The following TRABD2B variants were observed in gnomAD, a reference collection of about 807,000 sequenced individuals.
TRABD2B encodes metalloprotease TIKI2.
Under a neutral mutation model 40.1 loss-of-function variants are expected in TRABD2B, and 14 were observed. That is an observed-to-expected ratio of 0.35 (90% CI 0.23 to 0.55). The LOEUF (loss-of-function observed/expected upper bound fraction) is 0.55. Ranked by LOEUF, TRABD2B falls within the 20% of genes least tolerant of loss-of-function variation. The pLI, the probability that TRABD2B is intolerant of heterozygous loss-of-function variation, is 0.90. For missense variants in TRABD2B, 541 were observed against 648.6 expected, an observed-to-expected ratio of 0.83 and a Z score of 1.80; for synonymous variants, 263 against 277.0, an observed-to-expected ratio of 0.95 and a Z score of 0.50.
At chr1:47,802,666 C>T (rs1459013201) in intron 2 of TRABD2B, among the ~76,000 whole-genome samples, 1 of 152,198 alleles carries the variant, frequency 6.6e-6, no homozygotes, top group African/African-American at 2.4e-5. Flanking sequence ...TCTGTCTGCA[C>T]AATGCCTTGG....
intron 2 of TRABD2B, among the ~76,000 whole-genome samples, chr1:47,935,915 T>C (rs10789521): frequency 0.47 from 71,098 of 152,220 alleles, 18,179 homozygotes; most frequent in Middle Eastern, 0.62. Context: ...CATGCTCAAA[T>C]TCCAATTTTG....
intron 2 of TRABD2B, among the ~76,000 whole-genome samples, chr1:47,874,802 T>G (rs935897119): frequency 2.0e-4 from 31 of 151,484 alleles, no homozygotes; most frequent in Non-Finnish European, 2.8e-4. Flanking sequence ...CGGATTGGTC[T>G]CCAATTCCTG....
intron 4 of TRABD2B, among the ~76,000 whole-genome samples, chr1:47,784,093 C>T (rs1270469990): frequency 1.3e-5 from 2 of 152,154 alleles, no homozygotes; most frequent in African/African-American, 4.8e-5. Context: ...TTCATTTCAT[C>T]CTTGCAGCGG....
chr1:47,923,771 C>T (rs1644933010), intron 2 of TRABD2B, among the ~76,000 whole-genome samples: 1 of 152,154 alleles, frequency 6.6e-6, no homozygotes, highest in Admixed American at 6.5e-5. Flanking sequence ...AGAGGGAATT[C>T]TGCCAGCAGA....
At chr1:47,774,938 CT>C (rs1417335273) in intron 6 of TRABD2B, among the ~76,000 whole-genome samples, 1 of 152,266 alleles carries the variant, frequency 6.6e-6, no homozygotes, top group Non-Finnish European at 1.5e-5. Flanking sequence ...CTGAAGAAAG[CT>C]TCTATTTCCT....
intron 2 of TRABD2B, among the ~76,000 whole-genome samples, chr1:47,876,765 A>G (rs1207470741): frequency 6.6e-6 from 1 of 152,230 alleles, no homozygotes; most frequent in Non-Finnish European, 1.5e-5. Context: ...AGCAGCAGGC[A>G]GCACTCCTTC....
chr1:47,900,049 C>G (rs1027797296), intron 2 of TRABD2B, among the ~76,000 whole-genome samples: 1 of 152,168 alleles, frequency 6.6e-6, no homozygotes, highest in Non-Finnish European at 1.5e-5. Context: ...TTGACTTCTC[C>G]CTCTGCTCCA....
chr1:47,949,867 C>A (rs1292701531), intron 2 of TRABD2B, among the ~76,000 whole-genome samples: 1 of 152,176 alleles, frequency 6.6e-6, no homozygotes, highest in Non-Finnish European at 1.5e-5. Context: ...AAAAAATAAA[C>A]ATATTTACCA....
chr1:47,805,695 T>C (rs1168548117), intron 2 of TRABD2B, among the ~76,000 whole-genome samples: 1 of 152,186 alleles, frequency 6.6e-6, no homozygotes, highest in African/African-American at 2.4e-5. Context: ...CTTCATCCAT[T>C]CATTACCAGG....
rs191835495 is a variant in TRABD2B, at chr1:47,918,775, A to G, written c.666+75259T>C. Among the ~76,000 whole-genome samples, 14 of 152,324 alleles carry G rather than the reference A, an allele frequency of 9.2e-5. No individual in the cohort carries two copies. In the East Asian group the frequency reaches 2.5e-3, roughly 27 times the overall value. Reference sequence around the variant, plus strand: ...CCATGCAGACTGGGGAAAATCAGCGACCAAGGTCCAGAGTCAGGGCTAGAG... The same window carrying G: ...CCATGCAGACTGGGGAAAATCAGCGGCCAAGGTCCAGAGTCAGGGCTAGAG... On this transcript the variant is annotated intron_variant, in intron 2 of 6. Coordinates refer to ENST00000606738, the MANE Select transcript of TRABD2B (RefSeq NM_001194986.2).
intron 2 of TRABD2B, among the ~76,000 whole-genome samples, chr1:47,928,171 G>A (rs1471253399): frequency 6.6e-6 from 1 of 152,160 alleles, no homozygotes; most frequent in Non-Finnish European, 1.5e-5. Context: ...GTCACTTACA[G>A]GAAGCCACAC....
chr1:47,859,483 G>A (rs1159541391), intron 2 of TRABD2B, among the ~76,000 whole-genome samples: 3 of 152,310 alleles, frequency 2.0e-5, no homozygotes, highest in African/African-American at 7.2e-5. Flanking sequence ...GTCTCATGTA[G>A]CCCCTGGGCA....
At chr1:47,882,244 C>A (rs1447159464) in intron 2 of TRABD2B, among the ~76,000 whole-genome samples, 1 of 152,222 alleles carries the variant, frequency 6.6e-6, no homozygotes, top group African/African-American at 2.4e-5. Context: ...GCTCCCCATG[C>A]TGCCGTTGCA....
At chr1:47,844,718 C>A (rs1003832269) in intron 2 of TRABD2B, among the ~76,000 whole-genome samples, 1 of 152,162 alleles carries the variant, frequency 6.6e-6, no homozygotes, top group South Asian at 2.1e-4. Flanking sequence ...GTTGGGCCTA[C>A]GAGGATAAGA....
intron 2 of TRABD2B, among the ~76,000 whole-genome samples, chr1:47,903,891 A>T (rs1436071165): frequency 6.6e-6 from 1 of 152,142 alleles, no homozygotes; most frequent in Non-Finnish European, 1.5e-5. Flanking sequence ...AGGCTACAGG[A>T]TCTGCCTGCC....
At chr1:47,894,112 T>C (rs1237016637) in intron 2 of TRABD2B, among the ~76,000 whole-genome samples, 1 of 152,188 alleles carries the variant, frequency 6.6e-6, no homozygotes, top group Non-Finnish European at 1.5e-5. Flanking sequence ...GGAGGCACTG[T>C]TCTGTATGCT....
At chr1:47,828,584 A>C (rs1645208300) in intron 2 of TRABD2B, among the ~76,000 whole-genome samples, 1 of 152,308 alleles carries the variant, frequency 6.6e-6, no homozygotes, top group South Asian at 2.1e-4. Context: ...TTGTGGCCAG[A>C]GCATGCCGAG....
chr1:47,908,785 C>T (rs1255545167), intron 2 of TRABD2B, among the ~76,000 whole-genome samples: 2 of 152,258 alleles, frequency 1.3e-5, no homozygotes, highest in Non-Finnish European at 1.5e-5. Context: ...CTCCTCATAC[C>T]ATGTACAGAG....
chr1:47,943,275 G>T (rs1557671011), intron 2 of TRABD2B, among the ~76,000 whole-genome samples: 1 of 152,220 alleles, frequency 6.6e-6, no homozygotes, highest in Non-Finnish European at 1.5e-5. Flanking sequence ...GTGTGTGAAA[G>T]ATGCCAATGT....
Sources: allele counts gnomAD v4.1 joint callset (sites outside exome capture counted in the v4.1 genomes callset), GRCh38; gene constraint gnomAD v4.1.1; transcripts MANE v1.5; gene names NCBI Gene and HGNC (gene_info 2026-07-23, HGNC 2026-07-21).